CSMD3: variants seen among roughly 807,000 people sequenced by gnomAD.
CSMD3 encodes CUB and sushi domain-containing protein 3.
A neutral mutation model predicts 435.2 loss-of-function variants in CSMD3; 177 were observed. The ratio of observed to expected loss-of-function variants is 0.41; its 90% CI spans 0.36 to 0.46. The LOEUF (loss-of-function observed/expected upper bound fraction) is 0.46, where lower values mean the gene tolerates loss of function less well. Ranked by LOEUF, CSMD3 falls within the 20% of genes least tolerant of loss-of-function variation. The probability of loss-of-function intolerance (pLI) is 0.34; values close to 1 mark genes in which losing one functional copy is unlikely to be tolerated. For missense variants in CSMD3, 4,265 were observed against 4,504.6 expected (o/e 0.95, Z 1.52); for synonymous variants, 1,656 against 1,520.5 (o/e 1.09, Z -2.07).
intron 12 of CSMD3, among the ~76,000 whole-genome samples, chr8:112,803,858 A>T (rs2079017834): frequency 6.6e-6 from 1 of 152,160 alleles, no homozygotes; most frequent in African/African-American, 2.4e-5. Flanking sequence ...AGTCCCGGGC[A>T]TGGAGATTTG....
intron 11 of CSMD3, among the ~76,000 whole-genome samples, chr8:112,841,003 TAA>T (rs2080164328): frequency 6.6e-6 from 1 of 151,620 alleles, no homozygotes; most frequent in South Asian, 2.1e-4. Context: ...TTATAGAATA[TAA>T]AGTCTTCAAA....
intron 27 of CSMD3, among the ~76,000 whole-genome samples, chr8:112,549,902 C>T (rs1338450322): frequency 6.6e-6 from 1 of 151,976 alleles, no homozygotes; most frequent in African/African-American, 2.4e-5. Flanking sequence ...ATCATAGAAA[C>T]ATTGACACAT....
rs562969380 is a variant in CSMD3, at chr8:112,917,839, C to T, written c.1633+3788G>A. Among the ~76,000 whole-genome samples, 5 of 152,086 alleles carry T rather than the reference C, an allele frequency of 3.3e-5. No individual in the cohort carries two copies. The South Asian group carries it at 1.0e-3, about 32-fold the overall frequency. ...TCTCACTCTACATCCTTTCATATAA[C>T]TGACCAAACTGATTCCCCAGATGTG... On this transcript the variant is annotated intron_variant, in intron 10 of 70. Transcript: ENST00000297405.
intron 1 of CSMD3, among the ~76,000 whole-genome samples, chr8:113,432,078 C>T (rs114251401): frequency 0.035 from 5,291 of 152,092 alleles, 108 homozygotes; most frequent in Middle Eastern, 0.045. Flanking sequence ...TTCAAGATGC[C>T]GAAACCTTCT....
At chr8:113,287,266 A>G (rs77003772) in intron 2 of CSMD3, among the ~76,000 whole-genome samples, 7,288 of 152,072 alleles carry the variant, frequency 0.048, 259 homozygotes, top group Admixed American at 0.093. Flanking sequence ...CTTTGGTTCA[A>G]CAGTCCTTAA....
intron 19 of CSMD3, among the ~76,000 whole-genome samples, chr8:112,648,907 C>T (rs1011613182): frequency 6.6e-6 from 1 of 152,088 alleles, no homozygotes; most frequent in African/African-American, 2.4e-5. Context: ...CATAATGGGC[C>T]CTTCTCCTTC....
intron 38 of CSMD3, among the ~76,000 whole-genome samples, chr8:112,355,593 G>A (rs1379525955): frequency 6.6e-6 from 1 of 152,182 alleles, no homozygotes; most frequent in Non-Finnish European, 1.5e-5. Flanking sequence ...CAGAACTTTG[G>A]AAGTCTGAGG....
At chr8:112,614,099 A>G (rs930862582) in intron 22 of CSMD3, among the ~76,000 whole-genome samples, 4 of 152,158 alleles carry the variant, frequency 2.6e-5, no homozygotes, top group African/African-American at 9.7e-5. Flanking sequence ...TTAGCAGAGA[A>G]CTGAAGGAAG....
rs117561783 is a variant in CSMD3 at position 113,245,102 on chromosome 8, T to A, written c.514+33490A>T. Among the ~76,000 whole-genome samples, 434 of 152,248 alleles carry A rather than the reference T, an allele frequency of 2.9e-3. 4 individuals are homozygous for A. The East Asian group carries it at 0.033, about 11-fold the overall frequency. ...GTCTAATATTAGTATAGCCACTTGT[T>A]ACTGTTGGCATGGCATATATAGTTT... is the stretch of plus-strand genomic sequence containing the variant. On this transcript the variant is annotated intron_variant, in intron 3 of 70. Coordinates refer to ENST00000297405, the MANE Select transcript of CSMD3 (RefSeq NM_198123.2).
chr8:113,129,858 A>G (rs1384395122), intron 4 of CSMD3, among the ~76,000 whole-genome samples: 1 of 152,066 alleles, frequency 6.6e-6, no homozygotes, highest in Non-Finnish European at 1.5e-5. Context: ...CAGGCCATAA[A>G]TTTGTTTTTA....
intron 5 of CSMD3, among the ~76,000 whole-genome samples, chr8:113,088,073 A>G (rs2089865946): frequency 6.7e-6 from 1 of 149,934 alleles, no homozygotes; most frequent in Admixed American, 6.7e-5. Flanking sequence ...ACTTCTCAAA[A>G]GAAGACATTT....
At chr8:112,564,515 A>G (rs769320572) in intron 24 of CSMD3, among the ~76,000 whole-genome samples, 5 of 151,918 alleles carry the variant, frequency 3.3e-5, no homozygotes, top group Non-Finnish European at 7.4e-5. Flanking sequence ...GGCCTTGATG[A>G]TTTTGGAAAT....
chr8:113,379,763 A>T (rs938509424), intron 1 of CSMD3, among the ~76,000 whole-genome samples: 7 of 152,206 alleles, frequency 4.6e-5, no homozygotes, highest in African/African-American at 1.7e-4. Context: ...GATTTATTTT[A>T]TAGCTACAAA....
rs530500651 is a variant in CSMD3 at position 113,228,258 on chromosome 8, T to C, written c.514+50334A>G. On this transcript the variant is annotated intron_variant, in intron 3 of 70. Coordinates refer to ENST00000297405, the MANE Select transcript of CSMD3 (RefSeq NM_198123.2). ...TTACACACCATATTTCAGGTCCACC[T>C]TCCCCTATCTCTGCCTAATTATAGG... Among the ~76,000 whole-genome samples, 9 of 151,730 alleles carry C rather than the reference T, an allele frequency of 5.9e-5. No individual in the cohort carries two copies. In the South Asian group the frequency reaches 1.9e-3, roughly 31 times the overall value.
chr8:112,819,863 A>G (rs28464775), intron 12 of CSMD3, among the ~76,000 whole-genome samples: 2,131 of 152,144 alleles, frequency 0.014, 52 homozygotes, highest in African/African-American at 0.049. Flanking sequence ...AAGTAACACT[A>G]TTTTCTTTCA....
intron 8 of CSMD3, among the ~76,000 whole-genome samples, chr8:112,950,588 A>G (rs2083772503): frequency 6.6e-6 from 1 of 152,014 alleles, no homozygotes; most frequent in East Asian, 1.9e-4. Context: ...GTCCAGAACT[A>G]TTCTACATAC....
chr8:113,265,564 C>T (rs534568696), intron 3 of CSMD3, among the ~76,000 whole-genome samples: 9 of 151,530 alleles, frequency 5.9e-5, no homozygotes, highest in African/African-American at 2.2e-4. Flanking sequence ...CCTGTTAATA[C>T]AGTAAAAGTG....
At chr8:113,200,156 G>A (rs1252829240) in intron 3 of CSMD3, among the ~76,000 whole-genome samples, 1 of 151,754 alleles carries the variant, frequency 6.6e-6, no homozygotes, top group Non-Finnish European at 1.5e-5. Context: ...ATTGTTGAAA[G>A]GAGAAAGTTG....
chr8:112,583,824 T>C (rs2131340011), intron 23 of CSMD3, among the ~76,000 whole-genome samples: 1 of 152,072 alleles, frequency 6.6e-6, no homozygotes, highest in Non-Finnish European at 1.5e-5. Context: ...ATGATCATTT[T>C]GTACCAGTTT....
Sources: gnomAD v4.1 joint callset for allele counts (sites outside exome capture counted in the v4.1 genomes callset) on GRCh38, gnomAD v4.1.1 for gene constraint, MANE v1.5 for transcripts, NCBI Gene and HGNC (gene_info 2026-07-23, HGNC 2026-07-21) for gene names.